CLVS2: variants seen among roughly 807,000 people sequenced by gnomAD.
The protein encoded by CLVS2 is clavesin-2.
In CLVS2, 19 loss-of-function variants were observed where a neutral mutation model predicts 29.0. The ratio of observed to expected loss-of-function variants is 0.66; its 90% confidence interval spans 0.46 to 0.96. CLVS2 has a LOEUF of 0.96. CLVS2 is among the 40% of genes least tolerant of loss of function. The pLI is 0.00. For synonymous variants in CLVS2, 161 were observed against 151.3 expected, an observed-to-expected ratio of 1.06 and a Z score of -0.47; for missense variants, 294 against 404.1, an observed-to-expected ratio of 0.73 and a Z score of 2.34.
At chr6:123,002,960 T>G (rs1466300522) in intron 2 of CLVS2, among the ~76,000 whole-genome samples, 1 of 152,202 alleles carries the variant, frequency 6.6e-6, no homozygotes, top group Non-Finnish European at 1.5e-5. Flanking sequence ...CCATCTTGCT[T>G]CCTTTCAGGG....
chr6:123,064,684 A>C lies in CLVS2; in HGVS notation c.*923A>C, dbSNP rs1426674225. On this transcript the variant is annotated 3_prime_UTR_variant, in exon 6 of 6. Coordinates refer to ENST00000275162, the MANE Select transcript of CLVS2 (RefSeq NM_001010852.4). ...CTGGTTAAAAAGTATATATATATAT[A>C]TATTCACACATATATATTTTTACTG... 6.6e-6 allele frequency: 1 copy of C among 151,684 alleles called. No individual in the cohort carries two copies. The highest frequency in any genetic ancestry group is 1.5e-5 in the Non-Finnish European group (1 of 67,800). 9.4% of individuals were successfully genotyped at this position (151,684 alleles called of 1,614,324 possible). A position where few individuals can be genotyped will look rare whatever the true frequency, so the allele number is the denominator to read the frequency against.
At chr6:123,031,868 A>T (rs1192193723) in intron 3 of CLVS2, among the ~76,000 whole-genome samples, 2 of 151,776 alleles carry the variant, frequency 1.3e-5, no homozygotes, top group Non-Finnish European at 2.9e-5. Context: ...ACTTGATTTA[A>T]TATTATGTCA....
At chr6:123,055,779 CT>C in intron 4 of CLVS2, 26 bp from the exon 5 acceptor site, 1 of 1,525,938 alleles carries the variant, frequency 6.6e-7, no homozygotes, top group South Asian at 1.1e-5. Flanking sequence ...GTGTCTTTCC[CT>C]TCCTCCCGTC....
At chr6:123,008,476 T>G (rs933747404) in intron 2 of CLVS2, among the ~76,000 whole-genome samples, 2 of 152,164 alleles carry the variant, frequency 1.3e-5, no homozygotes, top group African/African-American at 2.4e-5. Flanking sequence ...GTACCTTGAT[T>G]AATTTTTACT....
At chr6:123,034,406 T>C (rs1775122130) in intron 3 of CLVS2, among the ~76,000 whole-genome samples, 1 of 152,140 alleles carries the variant, frequency 6.6e-6, no homozygotes, top group African/African-American at 2.4e-5. Flanking sequence ...AAGCTATTGA[T>C]ACACACAACA....
At chr6:123,047,051 G>T (rs1406395391) in intron 3 of CLVS2, among the ~76,000 whole-genome samples, 5 of 152,122 alleles carry the variant, frequency 3.3e-5, no homozygotes, top group African/African-American at 9.6e-5. Flanking sequence ...GGCAAGTGGG[G>T]GACTGGATGC....
intron 3 of CLVS2, among the ~76,000 whole-genome samples, chr6:123,025,032 G>C (rs1774981479): frequency 6.6e-6 from 1 of 152,042 alleles, no homozygotes; most frequent in Admixed American, 6.6e-5. Flanking sequence ...TCCATGAACT[G>C]AAGAAGAATA....
intron 3 of CLVS2, among the ~76,000 whole-genome samples, chr6:123,027,235 T>A (rs1775016118): frequency 6.6e-6 from 1 of 152,158 alleles, no homozygotes; most frequent in Non-Finnish European, 1.5e-5. Flanking sequence ...GAGGAACAAA[T>A]CATGAAAAAT....
chr6:123,043,472 T>C (rs1010712812), intron 3 of CLVS2, among the ~76,000 whole-genome samples: 5 of 152,254 alleles, frequency 3.3e-5, no homozygotes, highest in Middle Eastern at 3.4e-3. Flanking sequence ...TGCCCTTTGC[T>C]ATGGGGCCTA....
At chr6:123,031,702 T>A (rs1382501701) in intron 3 of CLVS2, among the ~76,000 whole-genome samples, 1 of 152,100 alleles carries the variant, frequency 6.6e-6, no homozygotes, top group South Asian at 2.1e-4. Flanking sequence ...AATGATCTTT[T>A]AAGTGGCTGT....
chr6:123,066,811 A>G lies in CLVS2; in HGVS notation c.*3050A>G, dbSNP rs948567671. On this transcript the variant is annotated 3_prime_UTR_variant, in exon 6 of 6. Coordinates refer to ENST00000275162, the MANE Select transcript of CLVS2 (RefSeq NM_001010852.4). Reference sequence around the variant, plus strand: ...TTCCAAAAAGTAAATACGTAAATCTATATTATATAGGTGAAATATAGATAT... The same window carrying G: ...TTCCAAAAAGTAAATACGTAAATCTGTATTATATAGGTGAAATATAGATAT... The G allele has an allele frequency of 1.3e-5, 2 of 151,778 alleles. No individual in the cohort carries two copies. Among genetic ancestry groups the G allele is most frequent in the African/African-American group, 2.4e-5 (1 of 41,414 alleles). The allele number at this position is 151,778 out of a possible 1,614,324, so 9.4% of individuals were successfully genotyped here. A position where few individuals can be genotyped will look rare whatever the true frequency, so the allele number is the denominator to read the frequency against.
Position 123,069,870 on chromosome 6 carries a change from TA to T in CLVS2, c.*6114del, listed in dbSNP as rs1772915636. The T allele has an allele frequency of 6.6e-6, 1 of 151,848 alleles. No homozygotes were observed. Among genetic ancestry groups the T allele is most frequent in the African/African-American group, 2.4e-5 (1 of 41,498 alleles). 9.4% of individuals were successfully genotyped at this position (151,848 alleles called of 1,614,324 possible). A position where few individuals can be genotyped will look rare whatever the true frequency, so the allele number is the denominator to read the frequency against. On this transcript the variant is annotated 3_prime_UTR_variant, in exon 6 of 6. Transcript: ENST00000275162. ...TGAGCATCACTTCTTTCTCTAAAAA[TA>T]AAAATAAATATGCTGTTTTCCTCCC... is the stretch of plus-strand genomic sequence containing the variant.
At chr6:123,008,554 T>A (rs889435568) in intron 2 of CLVS2, among the ~76,000 whole-genome samples, 4 of 152,218 alleles carry the variant, frequency 2.6e-5, no homozygotes, top group Non-Finnish European at 4.4e-5. Context: ...ATTTTGGTAT[T>A]AATGCTATTT....
At chr6:123,014,755 T>C (rs1774801943) in intron 3 of CLVS2, among the ~76,000 whole-genome samples, 1 of 152,094 alleles carries the variant, frequency 6.6e-6, no homozygotes, top group Non-Finnish European at 1.5e-5. Context: ...TAAAGTTGAA[T>C]GACTTTGGGA....
At chr6:123,021,560 T>G (rs138927347) in intron 3 of CLVS2, among the ~76,000 whole-genome samples, 1 of 152,110 alleles carries the variant, frequency 6.6e-6, no homozygotes, top group Non-Finnish European at 1.5e-5. Context: ...GATAAATGTT[T>G]TATTTTTATT....
rs1386365304 is a variant in CLVS2 at position 123,065,106 on chromosome 6, G to T, written c.*1345G>T. 1 of 151,642 alleles carries T rather than the reference G, an allele frequency of 6.6e-6. No homozygotes were observed. The allele number at this position is 151,642 out of a possible 1,614,324, so 9.4% of individuals were successfully genotyped here. A position where few individuals can be genotyped will look rare whatever the true frequency, so the allele number is the denominator to read the frequency against. On this transcript the variant is annotated 3_prime_UTR_variant, in exon 6 of 6. Coordinates refer to ENST00000275162, the MANE Select transcript of CLVS2 (RefSeq NM_001010852.4). ...GGAGATATAATGAAATTATTGGAAGGCATCTATGACAACATGTAATCATTT... is the reference window on the plus strand; with the variant it reads ...GGAGATATAATGAAATTATTGGAAGTCATCTATGACAACATGTAATCATTT...
chr6:123,050,633 G>T (rs1453632347), intron 4 of CLVS2, among the ~76,000 whole-genome samples: 4 of 152,126 alleles, frequency 2.6e-5, no homozygotes, highest in Non-Finnish European at 5.9e-5. Flanking sequence ...AATGAGCTAT[G>T]GGGGCAGATG....
At chr6:123,051,736 A>G (rs1772615072) in intron 4 of CLVS2, among the ~76,000 whole-genome samples, 1 of 152,182 alleles carries the variant, frequency 6.6e-6, no homozygotes, top group Non-Finnish European at 1.5e-5. Flanking sequence ...CAGTGTAGAA[A>G]AGTAAAATAA....
intron 3 of CLVS2, among the ~76,000 whole-genome samples, chr6:123,040,560 C>T (rs779815406): frequency 2.6e-5 from 4 of 152,106 alleles, no homozygotes; most frequent in Admixed American, 6.6e-5. Flanking sequence ...TTTGTGAGGC[C>T]GAGGCAGGTG....
Sources: gnomAD v4.1 joint callset for allele counts (sites outside exome capture counted in the v4.1 genomes callset) on GRCh38, gnomAD v4.1.1 for gene constraint, MANE v1.5 for transcripts, NCBI Gene and HGNC (gene_info 2026-07-23, HGNC 2026-07-21) for gene names.